LRFN5: variants seen among roughly 807,000 people sequenced by gnomAD.
LRFN5 encodes leucine rich repeat and fibronectin type III domain containing 5.
Under a neutral mutation model 45.6 loss-of-function variants are expected in LRFN5, and 24 were observed. The observed-to-expected ratio is 0.53, with a 90% confidence interval of 0.38 to 0.74. The LOEUF (loss-of-function observed/expected upper bound fraction) is 0.74, where lower values mean the gene tolerates loss of function less well. LRFN5 is among the 30% of genes least tolerant of loss of function. LRFN5 has a pLI of 0.00. For missense variants in LRFN5, 776 were observed against 861.5 expected, an observed-to-expected ratio of 0.90 and a Z score of 1.24; for synonymous variants, 340 against 313.8, an observed-to-expected ratio of 1.08 and a Z score of -0.88.
intron 1 of LRFN5, among the ~76,000 whole-genome samples, chr14:41,741,817 A>T (rs1884706426): frequency 6.6e-6 from 1 of 151,456 alleles, no homozygotes. Context: ...GCTAAAATAA[A>T]AAAAAAAAAC....
chr14:41,739,870 TC>T (rs1219165190), intron 1 of LRFN5, among the ~76,000 whole-genome samples: 2 of 151,648 alleles, frequency 1.3e-5, no homozygotes, highest in East Asian at 3.9e-4. Flanking sequence ...ATGGAAGGAA[TC>T]ATAACTGATA....
intron 1 of LRFN5, among the ~76,000 whole-genome samples, chr14:41,618,324 C>A (rs1887992054): frequency 6.6e-6 from 1 of 152,234 alleles, no homozygotes; most frequent in African/African-American, 2.4e-5. Context: ...CTGAGCTGGC[C>A]TTTTTACTTG....
chr14:41,719,441 T>C (rs1283580016), intron 1 of LRFN5, among the ~76,000 whole-genome samples: 1 of 152,072 alleles, frequency 6.6e-6, no homozygotes, highest in East Asian at 1.9e-4. Flanking sequence ...CATATGTATA[T>C]TTTAAGAAAT....
intron 1 of LRFN5, among the ~76,000 whole-genome samples, chr14:41,764,490 A>G (rs533531389): frequency 3.3e-5 from 5 of 152,174 alleles, no homozygotes; most frequent in Non-Finnish European, 7.4e-5. Flanking sequence ...TCTCTGGGAA[A>G]TTATAATTTA....
In LRFN5 at chr14:41,821,255, G is replaced by A. The variant is rs1439270270; in HGVS notation, c.-21+54226G>A. The stretch of plus-strand genomic sequence containing the variant: ...ATATTGGCTGTGGTTTGTTAGACAT[G>A]GCTCTTATTATTCTGAAGTATGTTT... On this transcript the variant is annotated intron_variant, in intron 2 of 5. Coordinates refer to ENST00000298119, the MANE Select transcript of LRFN5 (RefSeq NM_152447.5). 2.6e-5 allele frequency among the ~76,000 whole-genome samples: 4 copies of A among 151,916 alleles called. No individual in the cohort carries two copies. The South Asian group carries it at 8.3e-4, about 31-fold the overall frequency.
intron 1 of LRFN5, among the ~76,000 whole-genome samples, chr14:41,716,707 T>C (rs1372118847): frequency 6.6e-6 from 1 of 152,190 alleles, no homozygotes; most frequent in Admixed American, 6.5e-5. Context: ...CATTTTCCTG[T>C]CTTCTGAGCC....
At chr14:41,839,690 C>T (rs1035773110) in intron 2 of LRFN5, among the ~76,000 whole-genome samples, 6 of 152,110 alleles carry the variant, frequency 3.9e-5, no homozygotes, top group Non-Finnish European at 8.8e-5. Context: ...GACAGCTCAA[C>T]TCACCAAAGC....
chr14:41,665,021 G>C lies in LRFN5; in HGVS notation c.-197+56459G>C, dbSNP rs140024338. On this transcript the variant is annotated intron_variant, in intron 1 of 5. Coordinates refer to ENST00000298119, the MANE Select transcript of LRFN5 (RefSeq NM_152447.5). ...TTTTGCTGTCTTTGACTTCTAAAAT[G>C]CTTATTTTCTTCAAAATATATATTT... Among the ~76,000 whole-genome samples the C allele has an allele frequency of 1.6e-3, 249 of 151,978 alleles. 1 individual carries two copies. The highest frequency in any genetic ancestry group is 5.2e-3 in the African/African-American group (216 of 41,478).
chr14:41,749,757 T>A (rs995847504), intron 1 of LRFN5, among the ~76,000 whole-genome samples: 1 of 152,136 alleles, frequency 6.6e-6, no homozygotes, highest in East Asian at 1.9e-4. Flanking sequence ...CAGACTCCCA[T>A]GACACATGTT....
At chr14:41,689,018 C>T (rs1449131155) in intron 1 of LRFN5, among the ~76,000 whole-genome samples, 4 of 151,946 alleles carry the variant, frequency 2.6e-5, no homozygotes, top group African/African-American at 4.8e-5. Flanking sequence ...TCACTTGACC[C>T]TGGGAGGTTG....
intron 2 of LRFN5, among the ~76,000 whole-genome samples, chr14:41,884,974 A>C (rs1338026534): frequency 1.3e-5 from 2 of 152,186 alleles, no homozygotes; most frequent in African/African-American, 4.8e-5. Context: ...TGACATTTCC[A>C]GGATGATTTC....
At chr14:41,715,218 A>T (rs1450640123) in intron 1 of LRFN5, among the ~76,000 whole-genome samples, 2 of 152,190 alleles carry the variant, frequency 1.3e-5, no homozygotes, top group Non-Finnish European at 2.9e-5. Flanking sequence ...ACCATTTTGA[A>T]ATGACTTATT....
chr14:41,829,716 A>G (rs1482873466), intron 2 of LRFN5, among the ~76,000 whole-genome samples: 1 of 78,732 alleles, frequency 1.3e-5, no homozygotes, highest in African/African-American at 4.2e-5. Flanking sequence ...TTACCTTTTT[A>G]TTAATTAAAC....
At chr14:41,776,024 G>T (rs1886281186) in intron 2 of LRFN5, among the ~76,000 whole-genome samples, 1 of 152,134 alleles carries the variant, frequency 6.6e-6, no homozygotes, top group East Asian at 1.9e-4. Flanking sequence ...CTGGAAATTG[G>T]TGTGGCCTGA....
intron 1 of LRFN5, among the ~76,000 whole-genome samples, chr14:41,680,515 G>C (rs1320651202): frequency 1.3e-5 from 2 of 152,136 alleles, no homozygotes; most frequent in Non-Finnish European, 1.5e-5. Flanking sequence ...AGATGACCAA[G>C]GTGGTCCCTC....
At position 41,891,812 on chromosome 14, in the gene LRFN5, A is replaced by G. The variant is rs1391527202; in HGVS notation, c.1948A>G (p.Lys650Glu). ...AAAGCAGAAAAGAAAGACTGGCACA[A>G]AGCCAAGTACAGAACCACAGAATGA... is the stretch of plus-strand genomic sequence containing the variant. ...SQKQKRKTGTKPSTEPQNEAV... is the reference protein window; with the variant it reads ...SQKQKRKTGTEPSTEPQNEAV... Residue 650 changes from lysine to glutamate, a missense_variant, in exon 4 of 6, where the codon AAG becomes GAG. Around this residue, in one of 2 missense-constraint regions of LRFN5, gnomAD observed 465 missense variants for 456.4 expected, o/e 1.02. Transcript: ENST00000298119. The G allele has an allele frequency of 1.9e-6, 3 of 1,614,070 alleles. No individual in the cohort carries two copies. Among genetic ancestry groups the G allele is most frequent in the Non-Finnish European group, 2.5e-6 (3 of 1,180,032 alleles).
intron 1 of LRFN5, among the ~76,000 whole-genome samples, chr14:41,695,518 T>G (rs541373258): frequency 1.3e-5 from 2 of 152,046 alleles, no homozygotes; most frequent in East Asian, 3.9e-4. Flanking sequence ...CTGAATCTCT[T>G]ATTGAGAGCT....
At chr14:41,756,949 T>G (rs987672733) in intron 1 of LRFN5, among the ~76,000 whole-genome samples, 18 of 152,310 alleles carry the variant, frequency 1.2e-4, no homozygotes, top group African/African-American at 4.3e-4. Flanking sequence ...TGGGTGTCCT[T>G]TCTGTTTATT....
intron 1 of LRFN5, among the ~76,000 whole-genome samples, chr14:41,718,433 G>T (rs962951659): frequency 6.6e-6 from 1 of 152,086 alleles, no homozygotes; most frequent in Non-Finnish European, 1.5e-5. Flanking sequence ...ATTAAAAAGG[G>T]CAGAGAAATA....
Sources: gnomAD v4.1 joint callset for allele counts (sites outside exome capture counted in the v4.1 genomes callset) on GRCh38, gnomAD v4.1.1 for gene constraint, gnomAD v4.1.1 regional missense constraint, MANE v1.5 for transcripts, NCBI Gene and HGNC (gene_info 2026-07-23, HGNC 2026-07-21) for gene names.